CRPPA: variants seen among roughly 807,000 people sequenced by gnomAD.
CRPPA encodes the protein D-ribitol-5-phosphate cytidylyltransferase.
A neutral mutation model predicts 52.0 loss-of-function variants in CRPPA; 43 were observed. The ratio of observed to expected loss-of-function variants is 0.83; its 90% CI spans 0.65 to 1.07. The LOEUF (loss-of-function observed/expected upper bound fraction) is 1.07, where lower values mean the gene tolerates loss of function less well. Ranked by LOEUF, CRPPA falls within the 50% of genes least tolerant of loss-of-function variation. The pLI is 0.00. For missense variants in CRPPA, 629 were observed against 551.7 expected (o/e 1.14, Z -1.40); for synonymous variants, 250 against 203.5 (o/e 1.23, Z -1.94).
At chr7:16,370,571 C>A (rs772394171) in intron 3 of CRPPA, among the ~76,000 whole-genome samples, 1 of 152,100 alleles carries the variant, frequency 6.6e-6, no homozygotes, top group African/African-American at 2.4e-5. Flanking sequence ...AGGGAGAGGG[C>A]ACTACATCAA....
intron 2 of CRPPA, among the ~76,000 whole-genome samples, chr7:16,402,541 G>T (rs1787844974): frequency 6.6e-6 from 1 of 152,138 alleles, no homozygotes; most frequent in African/African-American, 2.4e-5. Context: ...AAGTACTATT[G>T]GCTATAGTGT....
chr7:16,214,280 G>A (rs2128397582), intron 9 of CRPPA, among the ~76,000 whole-genome samples: 1 of 152,154 alleles, frequency 6.6e-6, no homozygotes, highest in Non-Finnish European at 1.5e-5. Flanking sequence ...CACTTTACTG[G>A]AAAGTCAACT....
intron 3 of CRPPA, among the ~76,000 whole-genome samples, chr7:16,334,870 C>T (rs1019563997): frequency 1.3e-5 from 2 of 152,094 alleles, no homozygotes; most frequent in Non-Finnish European, 2.9e-5. Flanking sequence ...AAATGGCTAT[C>T]TCCTCAAACA....
At chr7:16,324,189 G>A (rs1220652415) in intron 3 of CRPPA, among the ~76,000 whole-genome samples, 2 of 152,180 alleles carry the variant, frequency 1.3e-5, no homozygotes, top group Non-Finnish European at 2.9e-5. Flanking sequence ...GACAGGGAAT[G>A]GACTAAGGCC....
At chr7:16,108,955 G>A (rs1782207514) in intron 9 of CRPPA, among the ~76,000 whole-genome samples, 1 of 151,622 alleles carries the variant, frequency 6.6e-6, no homozygotes, top group Non-Finnish European at 1.5e-5. Context: ...AGTTTGTAAT[G>A]ATAAATGCCT....
intron 3 of CRPPA, among the ~76,000 whole-genome samples, chr7:16,342,938 G>A (rs962576755): frequency 1.4e-5 from 2 of 139,782 alleles, no homozygotes; most frequent in African/African-American, 5.3e-5. Context: ...TACTTAAGGG[G>A]CTGAGGTGTG....
intron 3 of CRPPA, among the ~76,000 whole-genome samples, chr7:16,323,446 T>C (rs1785306579): frequency 6.6e-6 from 1 of 152,188 alleles, no homozygotes; most frequent in African/African-American, 2.4e-5. Context: ...CTAAGAGGCC[T>C]TGTATGTTTC....
chr7:16,314,247 T>C (rs775424369), intron 3 of CRPPA, among the ~76,000 whole-genome samples: 6 of 151,886 alleles, frequency 4.0e-5, no homozygotes, highest in Admixed American at 1.3e-4. Context: ...TCTATCATTA[T>C]GTAATGCCCC....
At chr7:16,147,002 C>T (rs59618653) in intron 9 of CRPPA, among the ~76,000 whole-genome samples, 5,274 of 152,228 alleles carry the variant, frequency 0.035, 289 homozygotes, top group East Asian at 0.27. Context: ...TCCAATTCTA[C>T]GCTGCCTGCA....
intron 9 of CRPPA, among the ~76,000 whole-genome samples, chr7:16,129,516 T>G (rs1210869607): frequency 6.6e-6 from 1 of 152,060 alleles, no homozygotes; most frequent in Non-Finnish European, 1.5e-5. Context: ...TGTCCCAATT[T>G]TATGTGTTAG....
At chr7:16,213,047 T>C (rs1562560678) in intron 9 of CRPPA, among the ~76,000 whole-genome samples, 2 of 152,214 alleles carry the variant, frequency 1.3e-5, no homozygotes, top group South Asian at 2.1e-4. Flanking sequence ...TTGAAAAATA[T>C]ATAGTTGCAA....
At chr7:16,157,878 T>A (rs1220859052) in intron 9 of CRPPA, among the ~76,000 whole-genome samples, 1 of 151,844 alleles carries the variant, frequency 6.6e-6, no homozygotes, top group African/African-American at 2.4e-5. Flanking sequence ...ATTTCTTTTT[T>A]TTTTTATTTT....
intron 3 of CRPPA, among the ~76,000 whole-genome samples, chr7:16,345,301 C>CA (rs1225645964): frequency 1.6e-4 from 24 of 152,182 alleles, no homozygotes; most frequent in Admixed American, 7.2e-4. Context: ...CCCAGGTAAG[C>CA]AAAAGCTGAG....
chr7:16,122,406 C>G (rs1023288190), intron 9 of CRPPA, among the ~76,000 whole-genome samples: 1 of 151,724 alleles, frequency 6.6e-6, no homozygotes, highest in Admixed American at 6.6e-5. Flanking sequence ...GAATACTAAA[C>G]TTAGAAAAGA....
chr7:16,135,618 T>A (rs1423526478), intron 9 of CRPPA, among the ~76,000 whole-genome samples: 1 of 152,174 alleles, frequency 6.6e-6, no homozygotes, highest in Non-Finnish European at 1.5e-5. Context: ...TGCTTATAAA[T>A]GATTCAAAAG....
chr7:16,127,855 G>T (rs1218294946), intron 9 of CRPPA, among the ~76,000 whole-genome samples: 3 of 152,130 alleles, frequency 2.0e-5, no homozygotes, highest in Non-Finnish European at 4.4e-5. Flanking sequence ...AATAGCTAAT[G>T]TTATTAGTAT....
intron 9 of CRPPA, among the ~76,000 whole-genome samples, chr7:16,184,474 ATAAAG>A (rs1386751812): frequency 2.0e-5 from 3 of 152,194 alleles, no homozygotes; most frequent in Admixed American, 6.5e-5. Context: ...CATTTAGTAA[ATAAAG>A]TAAATGACTT....
chr7:16,304,015 A>G (rs564925164), intron 4 of CRPPA, among the ~76,000 whole-genome samples: 3 of 152,336 alleles, frequency 2.0e-5, no homozygotes, highest in Non-Finnish European at 2.9e-5. Context: ...TGGTTTTGAC[A>G]TTTAGAAACA....
chr7:16,255,160 G>A (rs1783601858), intron 8 of CRPPA, among the ~76,000 whole-genome samples: 1 of 152,050 alleles, frequency 6.6e-6, no homozygotes, highest in Non-Finnish European at 1.5e-5. Context: ...GACAAATAGA[G>A]AGCCAAATCA....
Sources: gnomAD v4.1 joint callset for allele counts (sites outside exome capture counted in the v4.1 genomes callset) on GRCh38, gnomAD v4.1.1 for gene constraint, MANE v1.5 for transcripts, NCBI Gene and HGNC (gene_info 2026-07-23, HGNC 2026-07-21) for gene names.